WDFY3: variants seen among roughly 807,000 people sequenced by gnomAD.
WDFY3 encodes the protein WD repeat and FYVE domain-containing protein 3.
A neutral mutation model predicts 409.6 loss-of-function variants in WDFY3; 66 were observed. The ratio of observed to expected loss-of-function variants is 0.16; its 90% CI spans 0.13 to 0.20. The LOEUF is 0.20. Among genes scored for constraint, WDFY3 ranks in the 10% least tolerant of loss-of-function variants. The pLI is 1.00. For synonymous variants in WDFY3, 1,521 were observed against 1,537.1 expected, an observed-to-expected ratio of 0.99 and a Z score of 0.25; for missense variants, 3,031 against 4,298.1, an observed-to-expected ratio of 0.71 and a Z score of 8.24.
At chr4:84,917,119 A>C (rs1390590829) in intron 2 of WDFY3, among the ~76,000 whole-genome samples, 1 of 152,168 alleles carries the variant, frequency 6.6e-6, no homozygotes, top group African/African-American at 2.4e-5. Context: ...ATAACTTTTA[A>C]AGCATCAATC....
chr4:84,938,250 A>C (rs1054610695), intron 1 of WDFY3, among the ~76,000 whole-genome samples: 3 of 152,166 alleles, frequency 2.0e-5, no homozygotes, highest in East Asian at 3.8e-4. Flanking sequence ...AAAAATGGGA[A>C]TCTTTCCTAG....
intron 45 of WDFY3, among the ~76,000 whole-genome samples, chr4:84,726,395 T>C (rs1232346897): frequency 6.6e-6 from 1 of 152,144 alleles, no homozygotes; most frequent in Non-Finnish European, 1.5e-5. Flanking sequence ...TTTTAAAAAG[T>C]GATCACACAC....
At position 84,757,055 on chromosome 4, in the gene WDFY3, T is replaced by G; in HGVS notation, c.5295A>C (p.Lys1765Asn). 6.2e-7 allele frequency: 1 copy of G among 1,613,954 alleles called. No individual in the cohort carries two copies. Among genetic ancestry groups the G allele is most frequent in the Non-Finnish European group, 8.5e-7 (1 of 1,179,938 alleles). The change falls in exon 33 of 68, where the codon AAA becomes AAC. Residue 1765 changes from lysine to asparagine, a missense_variant. Physicochemically the swap from Lys to Asn is moderately conservative, Grantham distance 94 (BLOSUM62 0). Around this residue, in one of 16 missense-constraint regions of WDFY3, gnomAD observed 342 missense variants for 463.7 expected, o/e 0.74. Coordinates refer to ENST00000295888, the MANE Select transcript of WDFY3 (RefSeq NM_014991.6). ...GFPVLQSFLP[K>N]HTNVPALYFL... Reference sequence around the variant, plus strand: ...AATAGAGGGCAGGGACATTAGTGTGTTTAGGAAGGAATGACTGAAGGACTG... The same window carrying G: ...AATAGAGGGCAGGGACATTAGTGTGGTTAGGAAGGAATGACTGAAGGACTG...
chr4:84,831,269 AAAAT>A, intron 8 of WDFY3, 140 bp downstream of exon 8: 1 of 639,916 alleles, frequency 1.6e-6, no homozygotes, highest in Non-Finnish European at 2.4e-6. Context: ...CAGATGAAAA[AAAAT>A]ATTTTCTTTT....
At chr4:84,864,028 T>C (rs373487691) in intron 3 of WDFY3, among the ~76,000 whole-genome samples, 1 of 152,192 alleles carries the variant, frequency 6.6e-6, no homozygotes, top group African/African-American at 2.4e-5. Flanking sequence ...GGTTCTTTTG[T>C]GGTTCCATAT....
rs1367814377 is a variant in WDFY3, at chr4:84,806,807, C to T, written c.2429+1527G>A. 3.3e-5 allele frequency among the ~76,000 whole-genome samples: 5 copies of T among 151,912 alleles called. No homozygotes were observed. The South Asian group carries it at 8.3e-4, about 25-fold the overall frequency. Reference sequence around the variant, plus strand: ...TTGTATTTTAGTAGAGATGGGGTTTCACCGTGTTGCCAGGCTGGTCTTAAA... The same window carrying T: ...TTGTATTTTAGTAGAGATGGGGTTTTACCGTGTTGCCAGGCTGGTCTTAAA... On this transcript the variant is annotated intron_variant, in intron 15 of 67. Coordinates refer to ENST00000295888, the MANE Select transcript of WDFY3 (RefSeq NM_014991.6).
intron 2 of WDFY3, among the ~76,000 whole-genome samples, chr4:84,910,624 A>G (rs1489443255): frequency 6.6e-6 from 1 of 152,080 alleles, no homozygotes; most frequent in Non-Finnish European, 1.5e-5. Context: ...TTAAAAATTA[A>G]CATAAAATGG....
chr4:84,951,845 A>G (rs533258100), intron 1 of WDFY3, among the ~76,000 whole-genome samples: 1 of 152,336 alleles, frequency 6.6e-6, no homozygotes, highest in African/African-American at 2.4e-5. Context: ...TAAGCAGGGT[A>G]GGAAGAAGAA....
At chr4:84,951,449 A>G (rs562829186) in intron 1 of WDFY3, among the ~76,000 whole-genome samples, 1 of 152,332 alleles carries the variant, frequency 6.6e-6, no homozygotes, top group East Asian at 1.9e-4. Context: ...AATTTTAAAT[A>G]AAAATACAAT....
chr4:84,735,105 T>A lies in WDFY3; in HGVS notation c.6931A>T (p.Met2311Leu), dbSNP rs1171512274. The change falls in exon 43 of 68, where the codon ATG (methionine) becomes TTG (leucine). Residue 2311 changes from methionine to leucine, a missense_variant. Met to Leu is a conservative substitution (Grantham distance 15). This residue lies in a region of WDFY3 where 98 missense variants were observed against 194.9 expected (regional missense o/e 0.50). Coordinates refer to ENST00000295888, the MANE Select transcript of WDFY3 (RefSeq NM_014991.6). The part of the protein sequence containing the change: ...SLSTQEISQW[M>L]FTHIAVVRDL... ...CGAACAACAGCAATGTGAGTAAACA[T>A]CCACTGCGAAATCTCCTAACAATGG... The A allele has an allele frequency of 1.2e-6, 2 of 1,612,954 alleles. No homozygotes were observed. The highest frequency in any genetic ancestry group is 3.3e-5 in the Admixed American group (2 of 59,944).
At chr4:84,689,423 T>A (rs373276215) in intron 61 of WDFY3, among the ~76,000 whole-genome samples, 25 of 152,216 alleles carry the variant, frequency 1.6e-4, no homozygotes, top group Admixed American at 1.2e-3. Context: ...ATGGAAAATA[T>A]TTTTAAGCAT....
chr4:84,792,354 A>G (rs2149558606), intron 21 of WDFY3, among the ~76,000 whole-genome samples: 1 of 152,340 alleles, frequency 6.6e-6, no homozygotes, highest in Non-Finnish European at 1.5e-5. Context: ...TGGAGGTGAA[A>G]GTAAATATGA....
At chr4:84,745,208 C>T (rs1217693873) in intron 36 of WDFY3, among the ~76,000 whole-genome samples, 1 of 152,062 alleles carries the variant, frequency 6.6e-6, no homozygotes, top group Non-Finnish European at 1.5e-5. Flanking sequence ...TAGGAAAGAG[C>T]CTTTTGTCAT....
intron 2 of WDFY3, among the ~76,000 whole-genome samples, chr4:84,913,881 C>T (rs1768109573): frequency 1.3e-5 from 2 of 152,040 alleles, no homozygotes; most frequent in African/African-American, 4.8e-5. Flanking sequence ...CTGCTTCTGC[C>T]ACTCCTAAGA....
chr4:84,959,467 C>T lies in WDFY3; in HGVS notation c.-226+6742G>A, dbSNP rs995617661. The stretch of plus-strand genomic sequence containing the variant: ...TAATACTTCAGCAGGGAAATACAGG[C>T]CCCAAAATTGTCTTCTGGCAGGTGG... On this transcript the variant is annotated intron_variant, in intron 1 of 67. Coordinates refer to ENST00000295888, the MANE Select transcript of WDFY3 (RefSeq NM_014991.6). 2.0e-5 allele frequency among the ~76,000 whole-genome samples: 3 copies of T among 152,156 alleles called. No individual in the cohort carries two copies. The East Asian group carries it at 5.8e-4, about 29-fold the overall frequency.
intron 1 of WDFY3, among the ~76,000 whole-genome samples, chr4:84,957,219 G>A (rs1774342906): frequency 6.9e-6 from 1 of 145,412 alleles, no homozygotes; most frequent in Non-Finnish European, 1.5e-5. Flanking sequence ...TATAGTGCCT[G>A]CATTAAGTGG....
intron 34 of WDFY3, among the ~76,000 whole-genome samples, chr4:84,754,361 T>C (rs1019446743): frequency 2.6e-5 from 4 of 152,240 alleles, no homozygotes; most frequent in Non-Finnish European, 5.9e-5. Flanking sequence ...GTATATCTTC[T>C]GATACCTGCC....
intron 36 of WDFY3, 51 bp downstream of exon 36, chr4:84,751,432 T>C: frequency 6.3e-7 from 1 of 1,575,838 alleles, no homozygotes; most frequent in Admixed American, 1.7e-5. Context: ...ACTAATGTTC[T>C]AATTTAAAAA....
chr4:84,899,470 T>G (rs150344609), intron 2 of WDFY3, among the ~76,000 whole-genome samples: 21 of 152,302 alleles, frequency 1.4e-4, no homozygotes, highest in African/African-American at 5.1e-4. Context: ...AATTAAACAT[T>G]TATTTATTAT....
Sources: gnomAD v4.1 joint callset for allele counts (sites outside exome capture counted in the v4.1 genomes callset) on GRCh38, gnomAD v4.1.1 for gene constraint, gnomAD v4.1.1 regional missense constraint, MANE v1.5 for transcripts, NCBI Gene and HGNC (gene_info 2026-07-23, HGNC 2026-07-21) for gene names.